BANK1: variants seen among roughly 807,000 people sequenced by gnomAD.
The protein encoded by BANK1 is B-cell scaffold protein with ankyrin repeats.
BANK1 carries 95 observed loss-of-function variants against 94.5 expected under a neutral mutation model. The observed-to-expected ratio is 1.00, with a 90% confidence interval of 0.85 to 1.19. BANK1 has a LOEUF of 1.19. Ranked by LOEUF, BANK1 falls within the 50% of genes most tolerant of loss-of-function variation. The pLI, the probability that BANK1 is intolerant of heterozygous loss-of-function variation, is 0.00. For missense variants in BANK1, 987 were observed against 932.2 expected (o/e 1.06, Z -0.77); for synonymous variants, 334 against 308.4 (o/e 1.08, Z -0.87).
At chr4:101,829,687 T>C in intron 1 of BANK1, 121 bp from the exon 2 acceptor site, 1 of 515,442 alleles carries the variant, frequency 1.9e-6, no homozygotes, top group Non-Finnish European at 3.2e-6. Flanking sequence ...TTTCATAGAG[T>C]TTTTCTCTGG....
In BANK1 at chr4:102,030,242, A is replaced by G. The variant is rs765278116; in HGVS notation, c.1877A>G (p.Glu626Gly). The G allele has an allele frequency of 6.3e-7, 1 of 1,592,846 alleles. No homozygotes were observed. The highest frequency in any genetic ancestry group is 2.2e-5 in the East Asian group (1 of 44,798). ...CCCACAAGTATACCTCCAAAAGAGG[A>G]AACTACACCTTACATAGCTCAAGGT... ...PRPTSIPPKEETTPYIAQVFQ... is the reference protein window; with the variant it reads ...PRPTSIPPKEGTTPYIAQVFQ... Residue 626 changes from glutamate to glycine, a missense_variant, in exon 10 of 17, where the codon GAA (glutamate) becomes GGA (glycine). Physicochemically the swap from Glu to Gly is moderately conservative, Grantham distance 98. Coordinates refer to ENST00000322953, the MANE Select transcript of BANK1 (RefSeq NM_017935.5).
chr4:101,796,284 A>G (rs1347654064), intron 1 of BANK1, among the ~76,000 whole-genome samples: 2 of 152,166 alleles, frequency 1.3e-5, no homozygotes, highest in Non-Finnish European at 2.9e-5. Flanking sequence ...GTATCCTTAC[A>G]TGAATTTCTC....
At chr4:101,869,324 C>T (rs1353362117) in intron 4 of BANK1, among the ~76,000 whole-genome samples, 1 of 151,808 alleles carries the variant, frequency 6.6e-6, no homozygotes, top group Non-Finnish European at 1.5e-5. Context: ...TTACCATATG[C>T]GTACTGCTGT....
intron 7 of BANK1, among the ~76,000 whole-genome samples, chr4:101,925,527 C>T (rs199927227): frequency 3.3e-5 from 5 of 151,706 alleles, no homozygotes; most frequent in East Asian, 2.0e-4. Flanking sequence ...CATGTGCTTA[C>T]AGTTCTTTTC....
chr4:102,045,541 C>A (rs1418120836), intron 11 of BANK1, among the ~76,000 whole-genome samples: 1 of 152,096 alleles, frequency 6.6e-6, no homozygotes, highest in Non-Finnish European at 1.5e-5. Flanking sequence ...ATCTAGAAAA[C>A]CCCATTGTCT....
At chr4:101,980,223 T>C (rs1725282778) in intron 7 of BANK1, among the ~76,000 whole-genome samples, 1 of 151,914 alleles carries the variant, frequency 6.6e-6, no homozygotes, top group Non-Finnish European at 1.5e-5. Flanking sequence ...CAAGAGACTC[T>C]AAAGAATTCT....
intron 5 of BANK1, among the ~76,000 whole-genome samples, chr4:101,877,181 CA>C (rs1313583938): frequency 6.6e-6 from 1 of 152,064 alleles, no homozygotes; most frequent in Non-Finnish European, 1.5e-5. Context: ...AGAAAGATAT[CA>C]ATGTCCAAAC....
chr4:101,853,198 G>C (rs1360145852), intron 2 of BANK1, among the ~76,000 whole-genome samples: 1 of 152,216 alleles, frequency 6.6e-6, no homozygotes, highest in Non-Finnish European at 1.5e-5. Context: ...GTACTGTTGT[G>C]CCTTAGTTCT....
chr4:102,036,540 T>C (rs1727519280), intron 10 of BANK1: 1 of 152,222 alleles, frequency 6.6e-6, no homozygotes, highest in African/African-American at 2.4e-5. Context: ...ACATAGTATG[T>C]ATATCACAGG....
At chr4:101,790,985 G>A in intron 1 of BANK1, 35 bp downstream of exon 1, 1 of 1,458,014 alleles carries the variant, frequency 6.9e-7, no homozygotes, top group Non-Finnish European at 9.0e-7. Context: ...GCTTGACGCC[G>A]AGGCCGGGCT....
At chr4:101,960,399 A>G (rs1724527329) in intron 7 of BANK1, among the ~76,000 whole-genome samples, 1 of 152,058 alleles carries the variant, frequency 6.6e-6, no homozygotes, top group Admixed American at 6.6e-5. Context: ...CCACTGAGAG[A>G]CTTTTGTCAC....
At chr4:101,953,187 G>A (rs571822417) in intron 7 of BANK1, among the ~76,000 whole-genome samples, 4 of 152,150 alleles carry the variant, frequency 2.6e-5, no homozygotes, top group Non-Finnish European at 5.9e-5. Flanking sequence ...GGAGGTGATC[G>A]TGCTCTTTCA....
intron 6 of BANK1, among the ~76,000 whole-genome samples, chr4:101,900,659 T>G (rs944830525): frequency 1.3e-5 from 2 of 152,170 alleles, no homozygotes; most frequent in African/African-American, 2.4e-5. Context: ...ACTAAAGACA[T>G]GTTTATAAAA....
intron 7 of BANK1, among the ~76,000 whole-genome samples, chr4:101,987,614 T>C (rs1205841473): frequency 1.3e-5 from 2 of 152,164 alleles, no homozygotes; most frequent in South Asian, 2.1e-4. Flanking sequence ...GTATGATCAG[T>C]CCATGCCACT....
At chr4:101,905,559 A>C (rs1416179960) in intron 6 of BANK1, among the ~76,000 whole-genome samples, 1 of 151,770 alleles carries the variant, frequency 6.6e-6, no homozygotes, top group Non-Finnish European at 1.5e-5. Flanking sequence ...TGGCGGCCTG[A>C]CTCGCTGATT....
At chr4:102,073,854 T>A in intron 16 of BANK1, 106 bp downstream of exon 16, 1 of 829,348 alleles carries the variant, frequency 1.2e-6, no homozygotes, top group Admixed American at 2.6e-5. Flanking sequence ...GATTTCATTG[T>A]CTTCTCCTGA....
At chr4:102,050,258 C>T (rs2148959156) in intron 11 of BANK1, among the ~76,000 whole-genome samples, 1 of 152,298 alleles carries the variant, frequency 6.6e-6, no homozygotes, top group East Asian at 1.9e-4. Context: ...AATCAAGTTG[C>T]TGCAGATCTG....
intron 6 of BANK1, among the ~76,000 whole-genome samples, chr4:101,898,498 A>T (rs1465754744): frequency 6.6e-6 from 1 of 152,058 alleles, no homozygotes; most frequent in Non-Finnish European, 1.5e-5. Context: ...AACAATTATT[A>T]TTTATTTCTC....
At chr4:101,937,170 G>T (rs1193437330) in intron 7 of BANK1, among the ~76,000 whole-genome samples, 2 of 151,656 alleles carry the variant, frequency 1.3e-5, no homozygotes, top group Admixed American at 6.6e-5. Context: ...AGAACTGGAG[G>T]ACATTATGTT....
Sources: gnomAD v4.1 joint callset for allele counts (sites outside exome capture counted in the v4.1 genomes callset) on GRCh38, gnomAD v4.1.1 for gene constraint, MANE v1.5 for transcripts, NCBI Gene and HGNC (gene_info 2026-07-23, HGNC 2026-07-21) for gene names.